MVB12A: variants seen among roughly 807,000 people sequenced by gnomAD.
MVB12A encodes the protein multivesicular body subunit 12A.
In MVB12A, 30 loss-of-function variants were observed where a neutral mutation model predicts 34.3. That is an observed-to-expected ratio of 0.88 (90% CI 0.65 to 1.19). The LOEUF is 1.19. Among genes scored for constraint, MVB12A ranks in the 50% most tolerant of loss-of-function variants. The pLI is 0.00. For synonymous variants in MVB12A, 158 were observed against 158.9 expected, an observed-to-expected ratio of 0.99 and a Z score of 0.04; for missense variants, 355 against 369.2, an observed-to-expected ratio of 0.96 and a Z score of 0.31.
At chr19:17,420,016 C>CTCCCCCCA, upstream of MVB12A, 2 of 290,406 alleles carry the variant, frequency 6.9e-6, no homozygotes, top group Non-Finnish European at 1.1e-5. Context: ...GCAATCTCCG[C>CTCCCCCCA]CCCCCCCCCC....
At chr19:17,412,272 C>G (rs2074774196) in intron 2 of MVB12A, among the ~76,000 whole-genome samples, 1 of 151,952 alleles carries the variant, frequency 6.6e-6, no homozygotes, top group African/African-American at 2.4e-5. Context: ...CTTTCTCTCT[C>G]TCTTTCTTTT....
intron 1 of MVB12A, 43 bp from the exon 2 acceptor site, chr19:17,420,270 C>T: frequency 1.3e-6 from 2 of 1,549,452 alleles, no homozygotes; most frequent in Non-Finnish European, 8.7e-7. Context: ...GAGGCAGTCG[C>T]TGTGGGGTGG....
chr19:17,423,716 CA>C lies in MVB12A; in HGVS notation c.558del (p.Ala187ArgfsTer56). ...AGTAAGGGCGGCCTCCTGGAGCGGA[CA>C]GCGTCAAGGCTGGGCTCTCGGGCAT... ...QPSKGGLLER[T>X]ASRLGSRAST... On this transcript the variant is annotated frameshift_variant, in exon 6 of 9. Coordinates refer to ENST00000317040, the MANE Select transcript of MVB12A (RefSeq NM_138401.4). LOFTEE classifies it high-confidence loss of function. 6.2e-7 allele frequency: 1 copy of C among 1,613,942 alleles called. No individual in the cohort carries two copies.
upstream of MVB12A, chr19:17,420,015 G>GGCC (rs1555735862): frequency 2.6e-3 from 580 of 225,066 alleles, 13 homozygotes; most frequent in South Asian, 4.3e-3. Flanking sequence ...GGCAATCTCC[G>GGCC]CCCCCCCCCC....
chr19:17,413,825 G>T (rs1027613278), intron 2 of MVB12A, among the ~76,000 whole-genome samples: 4 of 152,156 alleles, frequency 2.6e-5, no homozygotes, highest in Non-Finnish European at 5.9e-5. Flanking sequence ...AAAGTGCTTA[G>T]CTTAGCACTT....
chr19:17,425,009 C>T lies in MVB12A; in HGVS notation c.*16C>T. 6.4e-7 allele frequency: 1 copy of T among 1,559,540 alleles called. No homozygotes were observed. The highest frequency in any genetic ancestry group is 8.8e-7 in the Non-Finnish European group (1 of 1,141,868). ...CGTCTCATAGTCCCTCACCCTTCCG[C>T]GGAAAGAGCCCCCTTACTCCACCTC... On this transcript the variant is annotated 3_prime_UTR_variant, in exon 9 of 9. Transcript: ENST00000317040.
At chr19:17,409,900 A>G (rs552355819) in intron 2 of MVB12A, among the ~76,000 whole-genome samples, 1 of 152,080 alleles carries the variant, frequency 6.6e-6, no homozygotes, top group East Asian at 1.9e-4. Context: ...CTGGGATTAC[A>G]GGTACCCGCC....
rs147816951 is a variant in MVB12A, at chr19:17,411,256, G to A, written c.-5+4960G>A. On this transcript the variant is annotated intron_variant, in intron 2 of 6. Coordinates refer to the MVB12A transcript ENST00000528604. ...TCTGGGATTACAGGCGTGAGCCACC[G>A]TGCCCGGCCAACATTTTATTTTAGA... Among the ~76,000 whole-genome samples the A allele has an allele frequency of 7.2e-3, 1,094 of 151,986 alleles. 3 individuals carry two copies. Among genetic ancestry groups the A allele is most frequent in the Non-Finnish European group, 7.4e-3 (500 of 67,966 alleles).
intron 2 of MVB12A, among the ~76,000 whole-genome samples, chr19:17,407,291 C>A (rs1028691125): frequency 6.6e-6 from 1 of 151,960 alleles, no homozygotes; most frequent in African/African-American, 2.4e-5. Flanking sequence ...TGTGCGGCGA[C>A]GAGAGAGTGT....
At chr19:17,416,380 G>A (rs1350309867), upstream of MVB12A, among the ~76,000 whole-genome samples, 2 of 149,028 alleles carry the variant, frequency 1.3e-5, no homozygotes, top group Non-Finnish European at 1.5e-5. Flanking sequence ...AAAGTGCTGG[G>A]ATTACAGGCT....
chr19:17,420,252 G>A (rs2074829272), intron 1 of MVB12A, 27 bp downstream of exon 1: 3 of 1,520,292 alleles, frequency 2.0e-6, no homozygotes, highest in Non-Finnish European at 2.6e-6. Context: ...GGCGGGGGTC[G>A]AATGGGGGAG....
upstream of MVB12A, chr19:17,417,213 C>CTTTT (rs35583565): frequency 3.4e-3 from 334 of 96,978 alleles, 27 homozygotes; most frequent in South Asian, 4.2e-3. Flanking sequence ...TCACCCAGAG[C>CTTTT]TTTTTTTTTT....
At chr19:17,415,488 G>A (rs1464155663), upstream of MVB12A, 3 of 151,738 alleles carry the variant, frequency 2.0e-5, no homozygotes, top group Non-Finnish European at 2.9e-5. Context: ...AGGATTTAGA[G>A]CCCGGCACCT....
chr19:17,424,480 A>T, intron 7 of MVB12A, 141 bp from the exon 8 acceptor site: 1 of 934,634 alleles, frequency 1.1e-6, no homozygotes. Flanking sequence ...ACAAAACAAA[A>T]CAAACAAGAA....
chr19:17,417,213 C>CTTTTTT (rs35583565), upstream of MVB12A: 220 of 97,002 alleles, frequency 2.3e-3, 31 homozygotes, highest in African/African-American at 5.8e-3. Flanking sequence ...TCACCCAGAG[C>CTTTTTT]TTTTTTTTTT....
Position 17,420,635 on chromosome 19 carries a change from GT to G in MVB12A, c.286+2del. On this transcript the variant is annotated splice_donor_variant, in intron 3 of 8. Coordinates refer to ENST00000317040, the MANE Select transcript of MVB12A (RefSeq NM_138401.4). LOFTEE classifies it high-confidence loss of function. ...CCCGTCTGCGACCCCATGGATTCCA[GT>G]AAGGGCTGCTTCGGAGGCGAGAGTT... is the stretch of plus-strand genomic sequence containing the variant. The G allele has an allele frequency of 6.2e-7, 1 of 1,606,718 alleles. No individual in the cohort carries two copies.
upstream of MVB12A, chr19:17,418,845 C>A (rs536132987): frequency 1.1e-4 from 13 of 119,936 alleles, no homozygotes; most frequent in African/African-American, 4.1e-4. Flanking sequence ...CATGACAGCC[C>A]TGATAAAATA....
rs2074865021 is a variant in MVB12A at position 17,425,255 on chromosome 19, T to A, written c.*262T>A. ...CTGGACAGAAGCCAGTGCCTTTAAG[T>A]CATTTGTGTCAAAACCCTCTGGGGT... On this transcript the variant is annotated 3_prime_UTR_variant, in exon 9 of 9. Transcript: ENST00000317040. 8.4e-6 allele frequency: 4 copies of A among 477,194 alleles called. No homozygotes were observed. Among genetic ancestry groups the A allele is most frequent in the Non-Finnish European group, 1.5e-5 (4 of 270,446 alleles). 29.6% of individuals were successfully genotyped at this position (477,194 alleles called of 1,614,324 possible).
intron 3 of MVB12A, chr19:17,421,274 T>C (rs2074837167): frequency 2.9e-6 from 1 of 340,906 alleles, no homozygotes; most frequent in Non-Finnish European, 5.6e-6. Flanking sequence ...AACCTCCGAC[T>C]CCCGGGTTCA....
Sources: allele counts gnomAD v4.1 joint callset (sites outside exome capture counted in the v4.1 genomes callset), GRCh38; gene constraint gnomAD v4.1.1; transcripts MANE v1.5; gene names NCBI Gene and HGNC (gene_info 2026-07-23, HGNC 2026-07-21).